NECTIN1: variants seen among roughly 807,000 people sequenced by gnomAD.
The protein encoded by NECTIN1 is nectin cell adhesion molecule 1, also known as nectin-1.
Under a neutral mutation model 48.0 loss-of-function variants are expected in NECTIN1, and 23 were observed. That is an observed-to-expected ratio of 0.48 (90% confidence interval 0.34 to 0.68). The LOEUF is 0.68. Among genes scored for constraint, NECTIN1 ranks in the 30% least tolerant of loss-of-function variants. The probability of loss-of-function intolerance (pLI) is 0.01; values close to 1 mark genes in which losing one functional copy is unlikely to be tolerated. For missense variants in NECTIN1, 591 were observed against 709.9 expected (o/e 0.83, Z 1.90); for synonymous variants, 270 against 288.9 (o/e 0.93, Z 0.66).
At position 119,639,795 on chromosome 11, in the gene NECTIN1, G is replaced by A. The variant is rs897947765; in HGVS notation, c.1151+70C>T. ...GCTTTCACAAGTTTAGGTGCTTTAA[G>A]TCTGGGGCTCCCAGGGTGCTGGGGA... On this transcript the variant is annotated intron_variant, in intron 6 of 7. Transcript: ENST00000341398. 3 of 1,605,284 alleles carry A rather than the reference G, an allele frequency of 1.9e-6. No homozygotes were observed. The African/African-American group carries it at 4.0e-5, about 21-fold the overall frequency.
At chr11:119,659,819 C>T (rs1864631342), downstream of NECTIN1, among the ~76,000 whole-genome samples, 1 of 152,228 alleles carries the variant, frequency 6.6e-6, no homozygotes, top group African/African-American at 2.4e-5. Context: ...CCACTGCTCT[C>T]TTCCAATGTA....
In NECTIN1 at chr11:119,678,661, T is replaced by A; in HGVS notation, c.184A>T (p.Ile62Phe). ...SFANPLPSVK[I>F]TQVTWQKSTN... ...GACTTCTGCCATGTGACCTGGGTGA[T>A]CTTCACGCTGGGAAGCGGGTTGGCA... Residue 62 changes from isoleucine (I) to phenylalanine (F), a missense_variant, in exon 2 of 6, where the codon ATC (isoleucine) becomes TTC (phenylalanine). Coordinates refer to ENST00000264025, the MANE Select transcript of NECTIN1 (RefSeq NM_002855.5). This position sits in a 1 kb window ranked among gnomAD's most constrained non-coding sequence, Gnocchi z 4.4. The A allele has an allele frequency of 6.2e-7, 1 of 1,614,002 alleles. No homozygotes were observed. The highest frequency in any genetic ancestry group is 1.1e-5 in the South Asian group (1 of 91,078).
intron 1 of NECTIN1, among the ~76,000 whole-genome samples, chr11:119,714,831 C>A (rs1296449443): frequency 6.6e-6 from 1 of 152,150 alleles, no homozygotes; most frequent in East Asian, 1.9e-4. Context: ...CCTCCTAGAT[C>A]TGGGACAGCT....
In NECTIN1 at chr11:119,677,253, T is replaced by G; in HGVS notation, c.734-34A>C. The G allele has an allele frequency of 1.9e-6, 3 of 1,571,420 alleles. No individual in the cohort carries two copies. Among genetic ancestry groups the G allele is most frequent in the Non-Finnish European group, 2.6e-6 (3 of 1,141,640 alleles). ...CAAGGGATGTTTGAAGAGGGTGAGG[T>G]CAGGAGAGCGGGACTTAGAACAAGG... On this transcript the variant is annotated intron_variant, in intron 3 of 5. Coordinates refer to ENST00000264025, the MANE Select transcript of NECTIN1 (RefSeq NM_002855.5). This position sits in a 1 kb window ranked among gnomAD's most constrained non-coding sequence, Gnocchi z 5.4.
chr11:119,702,548 C>G (rs1279430876), intron 1 of NECTIN1, among the ~76,000 whole-genome samples: 2 of 151,850 alleles, frequency 1.3e-5, no homozygotes, highest in Non-Finnish European at 2.9e-5. Flanking sequence ...CACTTGCCCC[C>G]TTCTAGTCCT....
At chr11:119,653,113 A>G (rs1718257670) in intron 5 of NECTIN1, among the ~76,000 whole-genome samples, 1 of 152,224 alleles carries the variant, frequency 6.6e-6, no homozygotes, top group African/African-American at 2.4e-5. Flanking sequence ...GGGCACATGA[A>G]TGACTCACAG....
chr11:119,663,012 C>T lies in NECTIN1; in HGVS notation c.*1735G>A. The T allele has an allele frequency of 4.6e-6, 1 of 217,810 alleles. No individual in the cohort carries two copies. The highest frequency in any genetic ancestry group is 5.9e-6 in the Non-Finnish European group (1 of 170,914). 13.5% of individuals were successfully genotyped at this position (217,810 alleles called of 1,614,324 possible). A position where few individuals can be genotyped will look rare whatever the true frequency, so the allele number is the denominator to read the frequency against. On this transcript the variant is annotated 3_prime_UTR_variant, in exon 6 of 6. Coordinates refer to ENST00000264025, the MANE Select transcript of NECTIN1 (RefSeq NM_002855.5). ...GAGCTGGCAGGGGGTTCAATAGCAG[C>T]ACCAGGGAGGGGAGGGGAGGGGTTG...
In NECTIN1 at chr11:119,673,745, G is replaced by A. The variant is rs1267067053; in HGVS notation, c.1003+1414C>T. Among the ~76,000 whole-genome samples, 1 of 152,140 alleles carries A rather than the reference G, an allele frequency of 6.6e-6. No homozygotes were observed. ...TCCCACCTCCCCCTTGACTCCCCCA[G>A]TATCTCAGAGCTGGAGCTTGGGTAA... is the stretch of plus-strand genomic sequence containing the variant. On this transcript the variant is annotated intron_variant, in intron 5 of 5. Transcript: ENST00000264025. This position sits in a 1 kb window ranked among gnomAD's most constrained non-coding sequence, Gnocchi z 5.8.
chr11:119,710,909 C>T (rs565200042), intron 1 of NECTIN1, among the ~76,000 whole-genome samples: 5 of 152,232 alleles, frequency 3.3e-5, no homozygotes, highest in African/African-American at 9.6e-5. Flanking sequence ...CACACATAAC[C>T]GCAGACCTTC....
chr11:119,661,412 G>A lies in NECTIN1; in HGVS notation c.*3335C>T. On this transcript the variant is annotated 3_prime_UTR_variant, in exon 6 of 6. Coordinates refer to ENST00000264025, the MANE Select transcript of NECTIN1 (RefSeq NM_002855.5). Reference sequence around the variant, plus strand: ...TGGCATCCCCGGTACTGGGCAGTGTGTGAAGCCTCCCTGTGGGTGTGGGGA... The same window carrying A: ...TGGCATCCCCGGTACTGGGCAGTGTATGAAGCCTCCCTGTGGGTGTGGGGA... 2.0e-6 allele frequency: 2 copies of A among 985,982 alleles called. No individual in the cohort carries two copies. 61.1% of individuals were successfully genotyped at this position (985,982 alleles called of 1,614,324 possible). A position where few individuals can be genotyped will look rare whatever the true frequency, so the allele number is the denominator to read the frequency against.
chr11:119,660,910 T>G (rs981599757), downstream of NECTIN1: 1 of 756,824 alleles, frequency 1.3e-6, no homozygotes, highest in African/African-American at 1.9e-5. Context: ...CCCCTCACTA[T>G]CCCTCTGTGC....
Position 119,677,289 on chromosome 11 carries a change from C to T in NECTIN1, c.734-70G>A. 2 of 1,370,928 alleles carry T rather than the reference C, an allele frequency of 1.5e-6. No individual in the cohort carries two copies. Among genetic ancestry groups the T allele is most frequent in the Non-Finnish European group, 2.1e-6 (2 of 961,268 alleles). The allele number at this position is 1,370,928 out of a possible 1,614,324, so 84.9% of individuals were successfully genotyped here. A position where few individuals can be genotyped will look rare whatever the true frequency, so the allele number is the denominator to read the frequency against. ...GGACTTAGAACAAGGGAACTTCAGC[C>T]AGGAAGGGATGGAAGGAGCAGTGGC... On this transcript the variant is annotated intron_variant, in intron 3 of 5. Coordinates refer to ENST00000264025, the MANE Select transcript of NECTIN1 (RefSeq NM_002855.5). This position sits in a 1 kb window ranked among gnomAD's most constrained non-coding sequence, Gnocchi z 5.4.
chr11:119,723,488 G>A (rs1192412142), intron 1 of NECTIN1, among the ~76,000 whole-genome samples: 1 of 152,162 alleles, frequency 6.6e-6, no homozygotes, highest in Non-Finnish European at 1.5e-5. Flanking sequence ...CCTCCCACTA[G>A]CTGCCCCCGC....
intron 1 of NECTIN1, among the ~76,000 whole-genome samples, chr11:119,712,435 G>C (rs1057222241): frequency 6.7e-6 from 1 of 149,890 alleles, no homozygotes; most frequent in Non-Finnish European, 1.5e-5. Context: ...AGATCACTTG[G>C]GAGACAGGGG....
At chr11:119,681,260 G>A (rs1865056930) in intron 1 of NECTIN1, among the ~76,000 whole-genome samples, 1 of 152,246 alleles carries the variant, frequency 6.6e-6, no homozygotes, top group African/African-American at 2.4e-5. Context: ...GCATAATTGG[G>A]GAACTTGCAC....
At chr11:119,700,827 TG>T (rs1224215209) in intron 1 of NECTIN1, among the ~76,000 whole-genome samples, 1 of 151,902 alleles carries the variant, frequency 6.6e-6, no homozygotes, top group Non-Finnish European at 1.5e-5. Flanking sequence ...CTTTCTGGGA[TG>T]GGGGGTATAT....
chr11:119,648,636 TA>T (rs1209298571), intron 5 of NECTIN1, among the ~76,000 whole-genome samples: 1 of 151,802 alleles, frequency 6.6e-6, no homozygotes, highest in Non-Finnish European at 1.5e-5. Context: ...TGAAGAGCTC[TA>T]AAAACAGCTA....
chr11:119,671,803 T>A (rs959610028), intron 5 of NECTIN1, among the ~76,000 whole-genome samples: 25 of 152,140 alleles, frequency 1.6e-4, no homozygotes, highest in African/African-American at 5.6e-4. Context: ...CTCGGCAAGC[T>A]GGGGGAGAAC....
intron 1 of NECTIN1, among the ~76,000 whole-genome samples, chr11:119,716,674 G>A (rs955339779): frequency 7.2e-5 from 11 of 152,184 alleles, no homozygotes; most frequent in African/African-American, 2.7e-4. Flanking sequence ...ACTGGCGGCT[G>A]GGGGGCAGTG....
Sources: allele counts gnomAD v4.1 joint callset (sites outside exome capture counted in the v4.1 genomes callset), GRCh38; gene constraint gnomAD v4.1.1; non-coding constraint Gnocchi (gnomAD v3.1); transcripts MANE v1.5; gene names NCBI Gene and HGNC (gene_info 2026-07-23, HGNC 2026-07-21).